TENT2: variants seen among roughly 807,000 people sequenced by gnomAD.
The protein encoded by TENT2 is terminal nucleotidyltransferase 2.
In TENT2, 44 loss-of-function variants were observed where a neutral mutation model predicts 72.2. That is an observed-to-expected ratio of 0.61 (90% confidence interval 0.48 to 0.78). The LOEUF is 0.78. Among genes scored for constraint, TENT2 ranks in the 30% least tolerant of loss-of-function variants. The pLI, the probability that TENT2 is intolerant of heterozygous loss-of-function variation, is 0.00. For synonymous variants in TENT2, 212 were observed against 192.5 expected, an observed-to-expected ratio of 1.10 and a Z score of -0.84; for missense variants, 541 against 569.6, an observed-to-expected ratio of 0.95 and a Z score of 0.51.
chr5:79,631,520 A>AC (rs1775480039), intron 4 of TENT2, among the ~76,000 whole-genome samples: 2 of 152,350 alleles, frequency 1.3e-5, no homozygotes, highest in African/African-American at 4.8e-5. Context: ...TCATCAGCAT[A>AC]CAGATGGTAA....
chr5:79,657,157 T>G (rs949615049), intron 11 of TENT2, among the ~76,000 whole-genome samples, 156 bp downstream of exon 11: 2 of 152,114 alleles, frequency 1.3e-5, no homozygotes, highest in African/African-American at 4.8e-5. Flanking sequence ...TTTCATATAC[T>G]GTTTCAGAAA....
Position 79,612,645 on chromosome 5 carries a change from C to G in TENT2, c.-468C>G, listed in dbSNP as rs1198854754. On this transcript the variant is annotated 5_prime_UTR_variant, in exon 1 of 15. Coordinates refer to ENST00000453514, the MANE Select transcript of TENT2 (RefSeq NM_001114394.3). ...GAGCCGGAGCTGGGCCTAGCTGTCC[C>G]ACGGGCCACCACTACCTCCTTTGGT... The G allele has an allele frequency of 1.3e-5, 2 of 152,970 alleles. No individual in the cohort carries two copies. Among genetic ancestry groups the G allele is most frequent in the South Asian group, 2.1e-4 (1 of 4,834 alleles). 9.5% of individuals were successfully genotyped at this position (152,970 alleles called of 1,614,324 possible).
At position 79,669,262 on chromosome 5, in the gene TENT2, T is replaced by C. The variant is rs191219726; in HGVS notation, c.1208+234T>C. 1.8e-3 allele frequency among the ~76,000 whole-genome samples: 279 copies of C among 152,328 alleles called. 3 individuals carry two copies. In the Middle Eastern group the frequency reaches 0.027, roughly 15 times the overall value. ...TATTCTTAGCTAATAAATACATTTA[T>C]AGTTCAGTAGGCCCAGTTTTAGTTG... On this transcript the variant is annotated intron_variant, in intron 12 of 14. Transcript: ENST00000453514.
At chr5:79,661,081 A>G (rs1802510303) in intron 11 of TENT2, among the ~76,000 whole-genome samples, 1 of 152,200 alleles carries the variant, frequency 6.6e-6, no homozygotes, top group African/African-American at 2.4e-5. Context: ...ATGTGTTTGT[A>G]TTTTAAGCTG....
Position 79,612,967 on chromosome 5 carries a change from A to T in TENT2, c.-146A>T, listed in dbSNP as rs1000162974. On this transcript the variant is annotated 5_prime_UTR_variant, in exon 1 of 15. Coordinates refer to ENST00000453514, the MANE Select transcript of TENT2 (RefSeq NM_001114394.3). ...AATCTTAGGACCGCTTACTTTGCTT[A>T]CTCGTTTTCTATTCCTCGCGTACTG... The T allele has an allele frequency of 6.6e-6, 1 of 152,168 alleles. No homozygotes were observed. The highest frequency in any genetic ancestry group is 6.5e-5 in the Admixed American group (1 of 15,272). 9.4% of individuals were successfully genotyped at this position (152,168 alleles called of 1,614,324 possible). A position where few individuals can be genotyped will look rare whatever the true frequency, so the allele number is the denominator to read the frequency against.
chr5:79,621,149 T>C (rs988720849), intron 3 of TENT2, among the ~76,000 whole-genome samples: 3 of 152,070 alleles, frequency 2.0e-5, no homozygotes, highest in Admixed American at 6.5e-5. Flanking sequence ...GCTTATTATG[T>C]AGTAATCATT....
chr5:79,621,024 A>G (rs938824900), intron 3 of TENT2, among the ~76,000 whole-genome samples: 2 of 152,138 alleles, frequency 1.3e-5, no homozygotes, highest in African/African-American at 2.4e-5. Context: ...GAAAGATACC[A>G]CTATTACTTA....
intron 1 of TENT2, among the ~76,000 whole-genome samples, chr5:79,617,244 A>G (rs766984577): frequency 2.8e-4 from 43 of 151,606 alleles, no homozygotes; most frequent in Non-Finnish European, 4.1e-4. Context: ...AAAACTTGTG[A>G]TATATAAACA....
chr5:79,617,659 T>G (rs1295552636), intron 1 of TENT2: 1 of 152,232 alleles, frequency 6.6e-6, no homozygotes, highest in African/African-American at 2.4e-5. Flanking sequence ...CCAGGTTTTC[T>G]TTTTCTTTTT....
chr5:79,640,131 C>T (rs927372702), intron 4 of TENT2, among the ~76,000 whole-genome samples: 2 of 151,986 alleles, frequency 1.3e-5, no homozygotes, highest in African/African-American at 4.8e-5. Flanking sequence ...TGGCACATGC[C>T]TGTATTCTCA....
chr5:79,640,571 T>TA (rs770024018), intron 4 of TENT2, among the ~76,000 whole-genome samples: 10 of 152,208 alleles, frequency 6.6e-5, no homozygotes, highest in Admixed American at 4.6e-4. Context: ...GAGCAAGTGT[T>TA]AAACAGTTTG....
Position 79,685,529 on chromosome 5 carries a change from A to C in TENT2, c.*256A>C. Reference sequence around the variant, plus strand: ...CATGTGTTTTCAGGTGATCAGATAAAATATATTTTGGGAAATTAACTGAAC... The same window carrying C: ...CATGTGTTTTCAGGTGATCAGATAACATATATTTTGGGAAATTAACTGAAC... On this transcript the variant is annotated 3_prime_UTR_variant, in exon 15 of 15. Transcript: ENST00000453514. The C allele has an allele frequency of 3.7e-6, 1 of 269,536 alleles. No homozygotes were observed. Among genetic ancestry groups the C allele is most frequent in the East Asian group, 7.9e-5 (1 of 12,708 alleles). The allele number at this position is 269,536 out of a possible 1,614,324, so 16.7% of individuals were successfully genotyped here. A position where few individuals can be genotyped will look rare whatever the true frequency, so the allele number is the denominator to read the frequency against.
At chr5:79,629,594 G>A (rs1372542197) in intron 4 of TENT2, among the ~76,000 whole-genome samples, 1 of 152,008 alleles carries the variant, frequency 6.6e-6, no homozygotes, top group East Asian at 1.9e-4. Flanking sequence ...TTGGGAGGCC[G>A]AGGCGGGTGG....
At chr5:79,667,109 A>T (rs935182057) in intron 11 of TENT2, among the ~76,000 whole-genome samples, 1 of 152,180 alleles carries the variant, frequency 6.6e-6, no homozygotes, top group Non-Finnish European at 1.5e-5. Context: ...TCAGTTCTTA[A>T]TGTCATAATT....
rs1791560054 is a variant in TENT2, at chr5:79,649,190, A to G, written c.1027A>G (p.Thr343Ala). The change falls in exon 10 of 15, where the codon ACC becomes GCC. Residue 343 changes from threonine to alanine, a missense_variant and splice_region_variant. By Grantham distance (58) the Thr-to-Ala change is moderately conservative (BLOSUM62 0). Transcript: ENST00000453514. ...ATTGATGGTTTTGCACTATTTACAA[A>G]GTAAGTATAATGGGGTTTTACCCAA... ...LVLMVLHYLQ[T>A]LPEPILPSLQ... is the part of the protein sequence containing the mutation. 3 of 1,612,208 alleles carry G rather than the reference A, an allele frequency of 1.9e-6. No homozygotes were observed. In the African/African-American group the frequency reaches 4.0e-5, roughly 22 times the overall value.
chr5:79,651,181 C>T (rs1793688732), intron 10 of TENT2, among the ~76,000 whole-genome samples: 1 of 150,670 alleles, frequency 6.6e-6, no homozygotes, highest in South Asian at 2.1e-4. Context: ...GTTTTTTTTG[C>T]AAAGGTTTCA....
At position 79,686,256 on chromosome 5, in the gene TENT2, T is replaced by C. The variant is rs1370796196; in HGVS notation, c.*983T>C. ...TTTAGATAAGACACAATAAAATTAT[T>C]ATAAATAAAAGCTTAATGTTTGTAA... On this transcript the variant is annotated 3_prime_UTR_variant, in exon 15 of 15. Coordinates refer to ENST00000453514, the MANE Select transcript of TENT2 (RefSeq NM_001114394.3). 6.6e-6 allele frequency: 1 copy of C among 152,520 alleles called. No homozygotes were observed. Among genetic ancestry groups the C allele is most frequent in the Non-Finnish European group, 1.5e-5 (1 of 67,998 alleles). The allele number at this position is 152,520 out of a possible 1,614,324, so 9.4% of individuals were successfully genotyped here.
intron 11 of TENT2, among the ~76,000 whole-genome samples, chr5:79,666,450 C>G (rs1216935458): frequency 6.6e-6 from 1 of 151,110 alleles, no homozygotes; most frequent in Non-Finnish European, 1.5e-5. Flanking sequence ...CTGGGCTCAG[C>G]TGCTTCTCTC....
chr5:79,682,309 C>A (rs149471946), intron 14 of TENT2, among the ~76,000 whole-genome samples: 1 of 152,224 alleles, frequency 6.6e-6, no homozygotes, highest in African/African-American at 2.4e-5. Context: ...GACGGAGTTT[C>A]ACTCTTGTTG....
Sources: allele counts gnomAD v4.1 joint callset (sites outside exome capture counted in the v4.1 genomes callset), GRCh38; gene constraint gnomAD v4.1.1; transcripts MANE v1.5; gene names NCBI Gene and HGNC (gene_info 2026-07-23, HGNC 2026-07-21).